Variants in TENM3 observed in about 807,000 individuals in gnomAD.
TENM3 encodes teneurin transmembrane protein 3.
A neutral mutation model predicts 255.1 loss-of-function variants in TENM3; 63 were observed. The ratio of observed to expected loss-of-function variants is 0.25; its 90% confidence interval spans 0.20 to 0.30. TENM3 has a LOEUF of 0.30. Ranked by LOEUF, TENM3 falls within the 10% of genes least tolerant of loss-of-function variation. The pLI is 1.00. For missense variants in TENM3, 2,929 were observed against 3,461.1 expected (o/e 0.85, Z 3.86); for synonymous variants, 1,306 against 1,322.3 (o/e 0.99, Z 0.27).
chr4:182,001,566 A>G, the TENM3 span, among the ~76,000 whole-genome samples: 1 of 152,130 alleles, frequency 6.6e-6, no homozygotes, highest in South Asian at 2.1e-4. Context: ...CTTTCAGACC[A>G]ATATGGTACC....
chr4:181,735,424 A>T, the TENM3 span, among the ~76,000 whole-genome samples: 1 of 152,184 alleles, frequency 6.6e-6, no homozygotes, highest in Non-Finnish European at 1.5e-5. Context: ...CAAATTAATC[A>T]TTTTTCCTCA....
Position 182,796,739 on chromosome 4 carries a change from T to G in TENM3, c.7316T>G (p.Val2439Gly). 1 of 1,610,720 alleles carries G rather than the reference T, an allele frequency of 6.2e-7. No homozygotes were observed. ...TTAACAGAACCTTCTTACGAACTTG[T>G]GAAGAGTCAGCAGTGGGATGATATA... ...FDLTEPSYEL[V>G]KSQQWDDIPP... Residue 2439 changes from valine (V) to glycine (G), a missense_variant, in exon 27 of 28, where the codon GTG becomes GGG. Val to Gly is a moderately radical substitution (Grantham distance 109). Coordinates refer to ENST00000511685, the MANE Select transcript of TENM3 (RefSeq NM_001080477.4).
intron 3 of TENM3, among the ~76,000 whole-genome samples, chr4:182,524,832 T>C (rs1738976354): frequency 1.0e-5 from 1 of 98,350 alleles, no homozygotes; most frequent in South Asian, 4.1e-4. Context: ...AGTAAAACTC[T>C]GTCTCTACAA....
chr4:181,920,130 T>A, the TENM3 span, among the ~76,000 whole-genome samples: 1 of 152,142 alleles, frequency 6.6e-6, no homozygotes, highest in African/African-American at 2.4e-5. Flanking sequence ...ATCCAGTCTA[T>A]CATTGTTGGA....
intron 3 of TENM3, among the ~76,000 whole-genome samples, chr4:182,509,937 C>CAAAA (rs55817843): frequency 1.3e-4 from 14 of 104,840 alleles, no homozygotes; most frequent in African/African-American, 4.4e-4. Context: ...AACTCTGTCT[C>CAAAA]AAAAAAAAAA....
rs186270666 is a variant in TENM3 at position 182,741,130 on chromosome 4, T to G, written c.3380-2040T>G. Among the ~76,000 whole-genome samples the G allele has an allele frequency of 5.2e-3, 791 of 152,200 alleles. 5 individuals are homozygous for G. Among genetic ancestry groups the G allele is most frequent in the Middle Eastern group, 0.027 (8 of 294 alleles). ...GACGGAGGTTGCAGTGAGCCAAGAT[T>G]GTGCCACTGCACTCCAGCCTGGGTG... On this transcript the variant is annotated intron_variant, in intron 18 of 27. Coordinates refer to ENST00000511685, the MANE Select transcript of TENM3 (RefSeq NM_001080477.4).
At chr4:182,447,041 A>G (rs1408254393) in intron 3 of TENM3, among the ~76,000 whole-genome samples, 1 of 152,234 alleles carries the variant, frequency 6.6e-6, no homozygotes. Context: ...AATTTACTAA[A>G]GAGAAAGAAT....
chr4:181,644,319 C>T, the TENM3 span, among the ~76,000 whole-genome samples: 1 of 151,616 alleles, frequency 6.6e-6, no homozygotes, highest in Non-Finnish European at 1.5e-5. Flanking sequence ...GGGAGGCGGA[C>T]AGGGAGGGAA....
In TENM3 at chr4:182,799,324, A is replaced by G. The variant is rs1374389770; in HGVS notation, c.7345-272A>G. Among the ~76,000 whole-genome samples the G allele has an allele frequency of 6.6e-6, 1 of 152,204 alleles. No homozygotes were observed. The highest frequency in any genetic ancestry group is 6.5e-5 in the Admixed American group (1 of 15,284). On this transcript the variant is annotated intron_variant, in intron 27 of 27. Coordinates refer to ENST00000511685, the MANE Select transcript of TENM3 (RefSeq NM_001080477.4). This position sits in a 1 kb window ranked among gnomAD's most constrained non-coding sequence, Gnocchi z 4.2. ...TAGAAACTGTAAGAGAAAAGCAAGA[A>G]ACAGGACTATTTTTCCCATGTTAGA...
chr4:182,534,473 C>G (rs954944556), intron 3 of TENM3, among the ~76,000 whole-genome samples: 1 of 152,050 alleles, frequency 6.6e-6, no homozygotes, highest in African/African-American at 2.4e-5. Flanking sequence ...TAGGGATATG[C>G]CATGGTTTAA....
the TENM3 span, among the ~76,000 whole-genome samples, chr4:181,541,972 A>G: frequency 1.3e-5 from 2 of 152,188 alleles, no homozygotes; most frequent in South Asian, 2.1e-4. Context: ...GAAAGATGCC[A>G]CCTTATAAGA....
chr4:181,636,333 G>T, the TENM3 span, among the ~76,000 whole-genome samples: 2 of 152,092 alleles, frequency 1.3e-5, no homozygotes, highest in African/African-American at 4.8e-5. Context: ...GTGAGCCACC[G>T]CCCATGGCCA....
chr4:182,168,098 C>G (rs960194344), intron 1 of TENM3, among the ~76,000 whole-genome samples: 3 of 151,840 alleles, frequency 2.0e-5, no homozygotes, highest in Non-Finnish European at 4.4e-5. Context: ...AAGCTATGTT[C>G]ACTCTACTCT....
the TENM3 span, among the ~76,000 whole-genome samples, chr4:181,625,464 C>T: frequency 2.6e-5 from 4 of 152,244 alleles, no homozygotes; most frequent in African/African-American, 9.6e-5. Context: ...TGCCTGCTTG[C>T]GGAGCACGTG....
chr4:181,565,027 T>C, the TENM3 span, among the ~76,000 whole-genome samples: 1 of 152,234 alleles, frequency 6.6e-6, no homozygotes, highest in Non-Finnish European at 1.5e-5. Flanking sequence ...ATTACCGCAA[T>C]TGTATATATC....
intron 3 of TENM3, among the ~76,000 whole-genome samples, chr4:182,403,308 G>A (rs986907628): frequency 6.6e-6 from 1 of 152,216 alleles, no homozygotes; most frequent in Non-Finnish European, 1.5e-5. Context: ...GAAATATAAT[G>A]ATGGTACAGC....
At chr4:181,935,820 C>T in the TENM3 span, among the ~76,000 whole-genome samples, 7 of 152,162 alleles carry the variant, frequency 4.6e-5, no homozygotes, top group South Asian at 2.1e-4. Context: ...CTACCGACAT[C>T]GGGCCTTATG....
chr4:182,125,473 T>C, the TENM3 span, among the ~76,000 whole-genome samples: 2 of 152,196 alleles, frequency 1.3e-5, no homozygotes, highest in Admixed American at 1.3e-4. Flanking sequence ...ACTTATTCCC[T>C]GTGGATAAGG....
chr4:182,338,679 C>G (rs988238434), intron 2 of TENM3, among the ~76,000 whole-genome samples: 6 of 151,992 alleles, frequency 3.9e-5, no homozygotes, highest in Non-Finnish European at 8.8e-5. Flanking sequence ...GTCAGTAACT[C>G]CTTTGATTAA....
Sources: gnomAD v4.1 joint callset for allele counts (sites outside exome capture counted in the v4.1 genomes callset) on GRCh38, gnomAD v4.1.1 for gene constraint, Gnocchi (gnomAD v3.1) non-coding constraint, MANE v1.5 for transcripts, NCBI Gene and HGNC (gene_info 2026-07-23, HGNC 2026-07-21) for gene names.